The following EEF2KMT variants were observed in gnomAD, a reference collection of about 807,000 sequenced individuals.
EEF2KMT encodes protein-lysine N-methyltransferase EEF2KMT.
EEF2KMT carries 30 observed loss-of-function variants against 35.1 expected under a neutral mutation model. The ratio of observed to expected loss-of-function variants is 0.85; its 90% CI spans 0.64 to 1.16. The LOEUF (loss-of-function observed/expected upper bound fraction) is 1.16. Among genes scored for constraint, EEF2KMT ranks in the 50% most tolerant of loss-of-function variants. The pLI is 0.00. For synonymous variants in EEF2KMT, 190 were observed against 187.7 expected, an observed-to-expected ratio of 1.01 and a Z score of -0.10; for missense variants, 499 against 438.2, an observed-to-expected ratio of 1.14 and a Z score of -1.24.
rs775087853 is a variant in EEF2KMT at position 5,095,468 on chromosome 16, C to T, written c.143G>A (p.Arg48Gln). The change falls in exon 2 of 8, where the codon CGG becomes CAG. Residue 48 changes from arginine (R) to glutamine (Q), a missense_variant. Arg to Gln is a conservative substitution (Grantham distance 43). Coordinates refer to ENST00000427587, the MANE Select transcript of EEF2KMT (RefSeq NM_201400.4). ...LRDSSDSELL[R>Q]DILHKTVKHP... ...GATTCTTACCTTGTGCAAAATATCC[C>T]GCAGCAGCTCAGAATCTGATGAGTC... 13 of 1,611,574 alleles carry T rather than the reference C, an allele frequency of 8.1e-6. No homozygotes were observed. The highest frequency in any genetic ancestry group is 3.3e-5 in the South Asian group (3 of 90,992).
intron 3 of EEF2KMT, 99 bp from the exon 4 acceptor site, chr16:5,091,994 A>G (rs1214100218): frequency 1.3e-6 from 2 of 1,567,208 alleles, no homozygotes; most frequent in Non-Finnish European, 8.7e-7. Flanking sequence ...TTGCGATGGA[A>G]TGGTATAATA....
Position 5,093,583 on chromosome 16 carries a change from C to G in EEF2KMT, c.160-19G>C, listed in dbSNP as rs541579300. On this transcript the variant is annotated intron_variant, in intron 2 of 7. Coordinates refer to ENST00000427587, the MANE Select transcript of EEF2KMT (RefSeq NM_201400.4). ...TCACAGTCTACGGCAAAGGACAGAACGTTGGTTGCTCGAGAGCCCGTCTTA... is the reference window on the plus strand; with the variant it reads ...TCACAGTCTACGGCAAAGGACAGAAGGTTGGTTGCTCGAGAGCCCGTCTTA... 6 of 1,611,866 alleles carry G rather than the reference C, an allele frequency of 3.7e-6. No individual in the cohort carries two copies. In the East Asian group the frequency reaches 1.1e-4, roughly 30 times the overall value.
At position 5,097,514 on chromosome 16, in the gene EEF2KMT, C is replaced by G. The variant is rs530335229; in HGVS notation, c.96+130G>C. ...CCCCAGGGACGGGGACCGGGTCGCG[C>G]GGCCCTGACCGGCGGGAGCCCAGGA... On this transcript the variant is annotated intron_variant, in intron 1 of 7. Transcript: ENST00000427587. The G allele has an allele frequency of 8.9e-6, 13 of 1,465,120 alleles. No homozygotes were observed. In the African/African-American group the frequency reaches 1.9e-4, roughly 21 times the overall value. 90.8% of individuals were successfully genotyped at this position (1,465,120 alleles called of 1,614,324 possible).
chr16:5,089,274 G>A lies in EEF2KMT; in HGVS notation c.743-18C>T. 1.2e-6 allele frequency: 2 copies of A among 1,601,200 alleles called. No homozygotes were observed. The highest frequency in any genetic ancestry group is 1.7e-6 in the Non-Finnish European group (2 of 1,179,746). On this transcript the variant is annotated intron_variant, in intron 6 of 7. Transcript: ENST00000427587. ...CAGCACATCTATGGTGAAAGCTTCA[G>A]GTTACTGAAAGGGACCAGTGGACAG... is the stretch of plus-strand genomic sequence containing the variant.
chr16:5,084,903 C>T lies in EEF2KMT; in HGVS notation c.*729G>A, dbSNP rs1280975109. On this transcript the variant is annotated 3_prime_UTR_variant, in exon 8 of 8. Transcript: ENST00000427587. ...ATAACTCCTGGGCCAGAGGCTAAAA[C>T]CCCAGGACCCCTGCTGTCCTTCCCG... is the stretch of plus-strand genomic sequence containing the variant. The T allele has an allele frequency of 3.8e-6, 6 of 1,595,442 alleles. No individual in the cohort carries two copies. The highest frequency in any genetic ancestry group is 5.1e-6 in the Non-Finnish European group (6 of 1,179,304).
At position 5,097,695 on chromosome 16, in the gene EEF2KMT, ACT is replaced by A. The variant is rs1204284928; in HGVS notation, c.43_44del (p.Ser15PhefsTer30). Reference sequence around the variant, plus strand: ...GTGCCGCCAGGAAGCGGCGCTCGAAACTCTGCAGCAAGAGTTCGGTCCCCGCG... The same window carrying A: ...GTGCCGCCAGGAAGCGGCGCTCGAAACTGCAGCAAGAGTTCGGTCCCCGCG... ...ENAGTELLLQ[S>X]FERRFLAART... On this transcript the variant is annotated frameshift_variant, in exon 1 of 8. Transcript: ENST00000427587. LOFTEE classifies it high-confidence loss of function. 20 of 1,581,274 alleles carry A rather than the reference ACT, an allele frequency of 1.3e-5. No homozygotes were observed. Among genetic ancestry groups the A allele is most frequent in the African/African-American group, 2.7e-5 (2 of 74,284 alleles).
At position 5,090,826 on chromosome 16, in the gene EEF2KMT, CAT is replaced by C. The variant is rs536058733; in HGVS notation, c.343-263_343-262del. Among the ~76,000 whole-genome samples, 221 of 152,268 alleles carry C rather than the reference CAT, an allele frequency of 1.5e-3. 1 individual carries two copies. Among genetic ancestry groups the C allele is most frequent in the African/African-American group, 3.9e-3 (164 of 41,560 alleles). On this transcript the variant is annotated intron_variant, in intron 4 of 7. Transcript: ENST00000427587. The surrounding 1 kb of genome is among the most constrained non-coding windows in gnomAD (Gnocchi z 4.1). ...ACAACGGAATTCTGGCGATGGAACA[CAT>C]GTCAGTGGTGGCCAGGGGACAGGTG...
intron 7 of EEF2KMT, 60 bp downstream of exon 7, chr16:5,089,047 C>T (rs1957279884): frequency 5.0e-6 from 8 of 1,608,558 alleles, no homozygotes; most frequent in Non-Finnish European, 6.8e-6. Flanking sequence ...TTCACTTCCA[C>T]TGGCGTCCTG....
chr16:5,094,148 G>A (rs1374981039), intron 2 of EEF2KMT, among the ~76,000 whole-genome samples: 1 of 152,246 alleles, frequency 6.6e-6, no homozygotes, highest in Non-Finnish European at 1.5e-5. Flanking sequence ...GAAAACAGGA[G>A]CCTGGAGGGA....
chr16:5,086,257 C>T (rs1166445274), intron 7 of EEF2KMT, among the ~76,000 whole-genome samples: 5 of 150,266 alleles, frequency 3.3e-5, no homozygotes, highest in African/African-American at 9.7e-5. Context: ...ATTGCTTGAA[C>T]CCAGGAGGTG....
At position 5,097,265 on chromosome 16, in the gene EEF2KMT, G is replaced by A. The variant is rs1209417075; in HGVS notation, c.96+379C>T. ...GCCTGTGACCCGGTCACCGCGCTCAGGAGGACGTGGTTACCTGCGGTCCTG... is the reference window on the plus strand; with the variant it reads ...GCCTGTGACCCGGTCACCGCGCTCAAGAGGACGTGGTTACCTGCGGTCCTG... On this transcript the variant is annotated intron_variant, in intron 1 of 7. Transcript: ENST00000427587. 3 of 1,314,104 alleles carry A rather than the reference G, an allele frequency of 2.3e-6. No individual in the cohort carries two copies. The African/African-American group carries it at 4.5e-5, about 20-fold the overall frequency. The allele number at this position is 1,314,104 out of a possible 1,614,324, so 81.4% of individuals were successfully genotyped here. A position where few individuals can be genotyped will look rare whatever the true frequency, so the allele number is the denominator to read the frequency against.
intron 7 of EEF2KMT, among the ~76,000 whole-genome samples, chr16:5,088,827 G>C (rs1278703425): frequency 6.6e-6 from 1 of 152,098 alleles, no homozygotes; most frequent in Non-Finnish European, 1.5e-5. Flanking sequence ...TTATAGATGA[G>C]GAAACCGAGG....
At chr16:5,088,284 A>G (rs1267379899) in intron 7 of EEF2KMT, among the ~76,000 whole-genome samples, 2 of 152,142 alleles carry the variant, frequency 1.3e-5, no homozygotes, top group Non-Finnish European at 2.9e-5. Flanking sequence ...CGTGGAACCC[A>G]GTACGTCTTC....
At position 5,095,476 on chromosome 16, in the gene EEF2KMT, C is replaced by T. The variant is rs1333724481; in HGVS notation, c.135G>A (p.Glu45=). Residue 45 remains glutamate (E), a synonymous_variant, in exon 2 of 8, where the codon GAG becomes GAA. Coordinates refer to ENST00000427587, the MANE Select transcript of EEF2KMT (RefSeq NM_201400.4). ...EAKLRDSSDS[E]LLRDILHKTV... is the part of the protein sequence containing the mutation. ...CCTTGTGCAAAATATCCCGCAGCAG[C>T]TCAGAATCTGATGAGTCTCTTAACT... 6.2e-7 allele frequency: 1 copy of T among 1,611,736 alleles called. No homozygotes were observed. Among genetic ancestry groups the T allele is most frequent in the East Asian group, 2.2e-5 (1 of 44,858 alleles).
intron 2 of EEF2KMT, among the ~76,000 whole-genome samples, chr16:5,094,880 A>G (rs919381520): frequency 1.3e-5 from 2 of 152,150 alleles, no homozygotes; most frequent in African/African-American, 4.8e-5. Context: ...GAGGGAGTCT[A>G]TTGCTTGGTC....
chr16:5,097,224 T>C, intron 1 of EEF2KMT: 1 of 1,172,066 alleles, frequency 8.5e-7, no homozygotes, highest in South Asian at 1.4e-5. Flanking sequence ...ATGAGAATAC[T>C]GAGGCACGAG....
intron 7 of EEF2KMT, among the ~76,000 whole-genome samples, chr16:5,085,988 C>T (rs1192191901): frequency 6.6e-6 from 1 of 152,208 alleles, no homozygotes; most frequent in South Asian, 2.1e-4. Flanking sequence ...TGCCCCAGCA[C>T]TTGGCACAGC....
intron 1 of EEF2KMT, among the ~76,000 whole-genome samples, chr16:5,096,426 C>T (rs989475915): frequency 1.3e-5 from 2 of 152,210 alleles, no homozygotes; most frequent in Non-Finnish European, 2.9e-5. Flanking sequence ...GCCTGGCTCA[C>T]AGAAGGCATT....
Position 5,085,333 on chromosome 16 carries a change from A to G in EEF2KMT, c.*299T>C, listed in dbSNP as rs1371671190. 1.6e-5 allele frequency: 8 copies of G among 501,162 alleles called. No individual in the cohort carries two copies. The highest frequency in any genetic ancestry group is 2.9e-5 in the Non-Finnish European group (8 of 274,048). 31.0% of individuals were successfully genotyped at this position (501,162 alleles called of 1,614,324 possible). The stretch of plus-strand genomic sequence containing the variant: ...AACTGAGTGTGTCCACGTTGGGGGA[A>G]CATCATACTTGATACACACGTTTTT... On this transcript the variant is annotated 3_prime_UTR_variant, in exon 8 of 8. Coordinates refer to ENST00000427587, the MANE Select transcript of EEF2KMT (RefSeq NM_201400.4).
Sources: gnomAD v4.1 joint callset for allele counts (sites outside exome capture counted in the v4.1 genomes callset) on GRCh38, gnomAD v4.1.1 for gene constraint, Gnocchi (gnomAD v3.1) non-coding constraint, MANE v1.5 for transcripts, NCBI Gene and HGNC (gene_info 2026-07-23, HGNC 2026-07-21) for gene names.